Variants in BTG4 observed in about 807,000 individuals in gnomAD.
BTG4 encodes the protein BTG anti-proliferation factor 4, also known as protein BTG4.
In BTG4, 10 loss-of-function variants were observed where a neutral mutation model predicts 19.3. The ratio of observed to expected loss-of-function variants is 0.52; its 90% CI spans 0.32 to 0.88. The LOEUF is 0.88. BTG4 is among the 40% of genes least tolerant of loss of function. BTG4 has a pLI of 0.04. For missense variants in BTG4, 238 were observed against 281.9 expected, an observed-to-expected ratio of 0.84 and a Z score of 1.11; for synonymous variants, 91 against 95.7, an observed-to-expected ratio of 0.95 and a Z score of 0.29.
chr11:111,410,035 T>C, the BTG4 span, among the ~76,000 whole-genome samples: 1 of 152,214 alleles, frequency 6.6e-6, no homozygotes, highest in Non-Finnish European at 1.5e-5. Context: ...CTACTCCAAG[T>C]CCTAAGTTTT....
the BTG4 span, among the ~76,000 whole-genome samples, chr11:111,423,832 C>A: frequency 2.1e-4 from 32 of 152,140 alleles, no homozygotes; most frequent in African/African-American, 7.2e-4. Context: ...TCTGGAGGAG[C>A]TGTGAGCTGA....
chr11:111,391,509 C>T, the BTG4 span, among the ~76,000 whole-genome samples: 1 of 152,168 alleles, frequency 6.6e-6, no homozygotes, highest in Non-Finnish European at 1.5e-5. Context: ...CCTCTGCTGG[C>T]CGGGACTTCT....
At chr11:111,416,690 T>G in the BTG4 span, 1 of 152,308 alleles carries the variant, frequency 6.6e-6, no homozygotes, top group Non-Finnish European at 1.5e-5. Flanking sequence ...ATTTGTATTC[T>G]GGCTCCACCG....
At chr11:111,449,585 C>T in the BTG4 span, 1 of 152,384 alleles carries the variant, frequency 6.6e-6, no homozygotes, top group Non-Finnish European at 1.5e-5. Context: ...GGGCTCATTC[C>T]ATTGCCCCTC....
At chr11:111,461,924 A>T in the BTG4 span, 1 of 152,796 alleles carries the variant, frequency 6.5e-6, no homozygotes, top group Admixed American at 6.5e-5. Flanking sequence ...TTGAGAGCCC[A>T]GGAGCAGTAC....
chr11:111,407,540 C>T, the BTG4 span, among the ~76,000 whole-genome samples: 3 of 152,196 alleles, frequency 2.0e-5, no homozygotes, highest in African/African-American at 4.8e-5. Context: ...GACATGGTGG[C>T]GGGCACCTGT....
intron 5 of BTG4, among the ~76,000 whole-genome samples, chr11:111,473,731 G>A (rs1316921532): frequency 6.6e-6 from 1 of 152,106 alleles, no homozygotes; most frequent in Non-Finnish European, 1.5e-5. Flanking sequence ...GTAGTTTAAA[G>A]CATAGTTTAT....
chr11:111,387,134 T>C, the BTG4 span, among the ~76,000 whole-genome samples: 6 of 152,230 alleles, frequency 3.9e-5, no homozygotes, highest in South Asian at 2.1e-4. Flanking sequence ...CAAGAGAATA[T>C]ATCACTGAAT....
At chr11:111,455,177 C>A in the BTG4 span, 1 of 411,154 alleles carries the variant, frequency 2.4e-6, no homozygotes, top group Non-Finnish European at 5.0e-6. Context: ...TCCCTTAGCA[C>A]CTCCCCAACC....
At chr11:111,479,792 G>A (rs1864621165) in intron 5 of BTG4, among the ~76,000 whole-genome samples, 1 of 151,922 alleles carries the variant, frequency 6.6e-6, no homozygotes, top group Non-Finnish European at 1.5e-5. Flanking sequence ...GGTAGACTGT[G>A]GCAAGTTACA....
At chr11:111,410,443 G>A in the BTG4 span, among the ~76,000 whole-genome samples, 15 of 152,080 alleles carry the variant, frequency 9.9e-5, no homozygotes, top group Admixed American at 2.6e-4. Context: ...TATCAAAGAT[G>A]GGTTTTCTTT....
chr11:111,415,389 G>A, the BTG4 span, among the ~76,000 whole-genome samples: 1 of 152,204 alleles, frequency 6.6e-6, no homozygotes, highest in South Asian at 2.1e-4. Context: ...AGAAGTCAGA[G>A]GAAGTGAATA....
the BTG4 span, among the ~76,000 whole-genome samples, chr11:111,443,277 G>A: frequency 0.017 from 2,518 of 152,288 alleles, 78 homozygotes; most frequent in African/African-American, 0.058. Context: ...TCTCAACTGA[G>A]AGTAGGCAAA....
chr11:111,430,491 C>T, the BTG4 span, among the ~76,000 whole-genome samples: 2 of 152,232 alleles, frequency 1.3e-5, no homozygotes, highest in Non-Finnish European at 2.9e-5. Context: ...TGAATTCTGT[C>T]TGTCCTTTGT....
the BTG4 span, among the ~76,000 whole-genome samples, chr11:111,432,651 T>C: frequency 6.6e-6 from 1 of 151,540 alleles, no homozygotes; most frequent in African/African-American, 2.4e-5. Context: ...CTCAAAAAAA[T>C]AAAGAAAGAA....
chr11:111,481,090 T>C lies in BTG4; in HGVS notation c.663-13409A>G, dbSNP rs1864711712. ...AAAGTGAAGACACAAATTACCAATA[T>C]CAAGAATGAATGTAGGGATACCACT... On this transcript the variant is annotated intron_variant, in intron 5 of 5. Transcript: ENST00000356018. Among the ~76,000 whole-genome samples the C allele has an allele frequency of 2.6e-5, 4 of 151,608 alleles. No homozygotes were observed. In the South Asian group the frequency reaches 8.3e-4, roughly 31 times the overall value.
chr11:111,405,238 T>C, the BTG4 span, among the ~76,000 whole-genome samples: 1 of 151,772 alleles, frequency 6.6e-6, no homozygotes, highest in African/African-American at 2.4e-5. Flanking sequence ...ACCCCATCTG[T>C]ACTAAAAATA....
chr11:111,408,881 C>A, the BTG4 span, among the ~76,000 whole-genome samples: 1 of 152,166 alleles, frequency 6.6e-6, no homozygotes, highest in South Asian at 2.1e-4. Context: ...TATTATAAGA[C>A]AATGGGATTC....
chr11:111,476,685 C>A (rs899923027), intron 5 of BTG4, among the ~76,000 whole-genome samples: 7 of 152,132 alleles, frequency 4.6e-5, no homozygotes, highest in African/African-American at 1.7e-4. Context: ...ATCGTGCTTT[C>A]ATGGCACAGA....
Sources: gnomAD v4.1 joint callset for allele counts (sites outside exome capture counted in the v4.1 genomes callset) on GRCh38, gnomAD v4.1.1 for gene constraint, MANE v1.5 for transcripts, NCBI Gene and HGNC (gene_info 2026-07-23, HGNC 2026-07-21) for gene names.